ARHGAP26: variants seen among roughly 807,000 people sequenced by gnomAD.
ARHGAP26 encodes the protein rho GTPase-activating protein 26.
ARHGAP26 carries 38 observed loss-of-function variants against 104.8 expected under a neutral mutation model. That is an observed-to-expected ratio of 0.36 (90% confidence interval 0.28 to 0.48). The LOEUF is 0.48. ARHGAP26 is among the 20% of genes least tolerant of loss of function. The pLI is 0.99. For missense variants in ARHGAP26, 704 were observed against 947.9 expected (o/e 0.74, Z 3.38); for synonymous variants, 341 against 340.0 (o/e 1.00, Z -0.03).
At chr5:143,202,050 A>G (rs1213799865) in intron 20 of ARHGAP26, among the ~76,000 whole-genome samples, 1 of 152,124 alleles carries the variant, frequency 6.6e-6, no homozygotes, top group Non-Finnish European at 1.5e-5. Flanking sequence ...TGGTAGTATA[A>G]GTCTCTTTGT....
At chr5:143,219,987 C>T (rs1810920044) in intron 22 of ARHGAP26, among the ~76,000 whole-genome samples, 1 of 152,216 alleles carries the variant, frequency 6.6e-6, no homozygotes, top group African/African-American at 2.4e-5. Flanking sequence ...TGGAGGGCCT[C>T]TCTTGTCCCC....
At chr5:143,113,117 TAG>T in intron 17 of ARHGAP26, among the ~76,000 whole-genome samples, 1 of 152,350 alleles carries the variant, frequency 6.6e-6, no homozygotes, top group South Asian at 2.1e-4. Flanking sequence ...GGAGTTGAAT[TAG>T]AGAAGATGAG....
chr5:142,842,567 A>T (rs1771026168), intron 1 of ARHGAP26, among the ~76,000 whole-genome samples: 2 of 152,210 alleles, frequency 1.3e-5, no homozygotes, highest in African/African-American at 4.8e-5. Flanking sequence ...GTCGGGAAGG[A>T]CTAGGAGAAA....
chr5:143,055,170 A>G (rs972426938), intron 15 of ARHGAP26, among the ~76,000 whole-genome samples: 3 of 152,222 alleles, frequency 2.0e-5, no homozygotes, highest in South Asian at 2.1e-4. Context: ...CAGGAATACC[A>G]TAGTTCTTAC....
At chr5:143,026,356 A>C (rs1314075840) in intron 12 of ARHGAP26, among the ~76,000 whole-genome samples, 1 of 152,230 alleles carries the variant, frequency 6.6e-6, no homozygotes, top group Non-Finnish European at 1.5e-5. Flanking sequence ...TTTCTGGTAG[A>C]GATGAGTATT....
At chr5:143,025,390 A>G (rs1376494183) in intron 12 of ARHGAP26, among the ~76,000 whole-genome samples, 3 of 152,178 alleles carry the variant, frequency 2.0e-5, no homozygotes, top group Non-Finnish European at 4.4e-5. Context: ...AGGTAAGAAG[A>G]CAGATAGGTA....
At chr5:143,067,984 T>G (rs1787748585) in intron 17 of ARHGAP26, among the ~76,000 whole-genome samples, 1 of 152,016 alleles carries the variant, frequency 6.6e-6, no homozygotes, top group Non-Finnish European at 1.5e-5. Flanking sequence ...GCCAACATGG[T>G]GAAACCCCAT....
At chr5:143,200,927 A>G (rs1274773751) in intron 20 of ARHGAP26, among the ~76,000 whole-genome samples, 1 of 152,216 alleles carries the variant, frequency 6.6e-6, no homozygotes, top group Admixed American at 6.5e-5. Context: ...GGTCCAGCAG[A>G]TGTTCCATCA....
chr5:143,075,037 G>A (rs1295177469), intron 17 of ARHGAP26, among the ~76,000 whole-genome samples: 1 of 152,228 alleles, frequency 6.6e-6, no homozygotes, highest in Non-Finnish European at 1.5e-5. Flanking sequence ...GGTGGGAAGA[G>A]AAGTGGGTTA....
chr5:142,971,592 T>A (rs1185737222), intron 11 of ARHGAP26, among the ~76,000 whole-genome samples: 1 of 152,198 alleles, frequency 6.6e-6, no homozygotes, highest in Admixed American at 6.5e-5. Flanking sequence ...CCTGCTGATT[T>A]TTTTTTAGAA....
chr5:143,148,236 C>T (rs1221996521), intron 20 of ARHGAP26, among the ~76,000 whole-genome samples: 4 of 152,156 alleles, frequency 2.6e-5, no homozygotes, highest in Admixed American at 2.6e-4. Flanking sequence ...GTCTTCAGGG[C>T]AGTTGTTTCA....
At chr5:143,187,659 C>A (rs768433894) in intron 20 of ARHGAP26, among the ~76,000 whole-genome samples, 1 of 152,328 alleles carries the variant, frequency 6.6e-6, no homozygotes, top group South Asian at 2.1e-4. Context: ...TGAGGTCAGG[C>A]GGAGCACCAG....
chr5:142,882,533 A>G (rs2152394655), intron 4 of ARHGAP26, among the ~76,000 whole-genome samples: 1 of 152,358 alleles, frequency 6.6e-6, no homozygotes, highest in East Asian at 1.9e-4. Context: ...ACATCAGACA[A>G]AAAGATACAA....
Position 143,092,054 on chromosome 5 carries a change from A to G in ARHGAP26, c.1539-28934A>G, listed in dbSNP as rs376382759. Among the ~76,000 whole-genome samples, 8 of 152,280 alleles carry G rather than the reference A, an allele frequency of 5.3e-5. No individual in the cohort carries two copies. The East Asian group carries it at 1.3e-3, about 26-fold the overall frequency. On this transcript the variant is annotated intron_variant, in intron 17 of 22. Coordinates refer to ENST00000645722, the MANE Select transcript of ARHGAP26 (RefSeq NM_001135608.3). ...GGAGGCCTAATTACTTTTAAATTATACAATATTTCTTGCATAAATTCCCTT... is the reference window on the plus strand; with the variant it reads ...GGAGGCCTAATTACTTTTAAATTATGCAATATTTCTTGCATAAATTCCCTT...
chr5:143,179,849 C>T (rs1363200308), intron 20 of ARHGAP26, among the ~76,000 whole-genome samples: 1 of 152,084 alleles, frequency 6.6e-6, no homozygotes, highest in Non-Finnish European at 1.5e-5. Flanking sequence ...GCATTTTGTC[C>T]CCACTCAACC....
intron 12 of ARHGAP26, among the ~76,000 whole-genome samples, chr5:143,032,098 G>T (rs1217049656): frequency 6.6e-6 from 1 of 152,202 alleles, no homozygotes; most frequent in Non-Finnish European, 1.5e-5. Flanking sequence ...ACCCTAGCAT[G>T]CTGCTTTCTC....
intron 18 of ARHGAP26, among the ~76,000 whole-genome samples, chr5:143,126,851 A>C (rs1796785398): frequency 1.3e-5 from 2 of 152,222 alleles, no homozygotes; most frequent in Non-Finnish European, 2.9e-5. Flanking sequence ...TCAGTTATGC[A>C]AAATTACCAT....
intron 21 of ARHGAP26, among the ~76,000 whole-genome samples, chr5:143,208,399 A>G (rs1286046187): frequency 6.6e-6 from 1 of 152,238 alleles, no homozygotes; most frequent in Non-Finnish European, 1.5e-5. Flanking sequence ...GATCCAGCAG[A>G]GAGGCTTAAA....
intron 20 of ARHGAP26, among the ~76,000 whole-genome samples, chr5:143,192,345 G>A (rs1806067005): frequency 2.0e-5 from 3 of 152,238 alleles, no homozygotes; most frequent in African/African-American, 7.2e-5. Flanking sequence ...AGCACCAGCA[G>A]GAACATGGAG....
Sources: gnomAD v4.1 joint callset for allele counts (sites outside exome capture counted in the v4.1 genomes callset) on GRCh38, gnomAD v4.1.1 for gene constraint, MANE v1.5 for transcripts, NCBI Gene and HGNC (gene_info 2026-07-23, HGNC 2026-07-21) for gene names.